Variants in GALNT13 observed in about 807,000 individuals in gnomAD.
GALNT13 encodes UDP-GalNAc:polypeptide N-acetylgalactosaminyltransferase 13.
A neutral mutation model predicts 64.2 loss-of-function variants in GALNT13; 28 were observed. That is an observed-to-expected ratio of 0.44 (90% CI 0.32 to 0.60). GALNT13 has a LOEUF of 0.60. Ranked by LOEUF, GALNT13 falls within the 20% of genes least tolerant of loss-of-function variation. The pLI is 0.05. For missense variants in GALNT13, 577 were observed against 669.8 expected (o/e 0.86, Z 1.53); for synonymous variants, 214 against 224.6 (o/e 0.95, Z 0.42).
At chr2:153,465,032 C>G in the GALNT13 span, among the ~76,000 whole-genome samples, 1 of 152,030 alleles carries the variant, frequency 6.6e-6, no homozygotes, top group African/African-American at 2.4e-5. Context: ...AATAAGTGGT[C>G]TCCTCCACAG....
chr2:154,264,109 G>T (rs2105909946), intron 8 of GALNT13, among the ~76,000 whole-genome samples: 1 of 152,296 alleles, frequency 6.6e-6, no homozygotes, highest in East Asian at 1.9e-4. Flanking sequence ...GAGCATTGAA[G>T]AGATATACAG....
At chr2:154,108,631 G>T (rs1161993281) in intron 3 of GALNT13, among the ~76,000 whole-genome samples, 1 of 151,766 alleles carries the variant, frequency 6.6e-6, no homozygotes, top group African/African-American at 2.4e-5. Flanking sequence ...CTGTGCTTTT[G>T]GGGTCAAATC....
the GALNT13 span, among the ~76,000 whole-genome samples, chr2:153,748,929 C>T: frequency 3.3e-5 from 5 of 152,000 alleles, no homozygotes; most frequent in African/African-American, 1.2e-4. Flanking sequence ...ATTTTCTCCC[C>T]AGGGTTTTCT....
the GALNT13 span, among the ~76,000 whole-genome samples, chr2:153,405,484 C>T: frequency 6.6e-6 from 1 of 152,184 alleles, no homozygotes; most frequent in Non-Finnish European, 1.5e-5. Flanking sequence ...CTGAGCATAG[C>T]AGAAGAAAGG....
In GALNT13 at chr2:154,098,741, C is replaced by T. The variant is rs573720299; in HGVS notation, c.143-41596C>T. ...ACTTTCATTTCCATCCATGTTGCTG[C>T]AAAGGACATGATTTTCTTTTTTATT... On this transcript the variant is annotated intron_variant, in intron 3 of 12. Coordinates refer to ENST00000392825, the MANE Select transcript of GALNT13 (RefSeq NM_052917.4). 4.0e-4 allele frequency among the ~76,000 whole-genome samples: 61 copies of T among 152,134 alleles called. 1 individual carries two copies. The highest frequency in any genetic ancestry group is 1.9e-3 in the South Asian group (9 of 4,816).
chr2:153,863,918 C>G, the GALNT13 span, among the ~76,000 whole-genome samples: 3 of 152,052 alleles, frequency 2.0e-5, no homozygotes, highest in Admixed American at 6.6e-5. Flanking sequence ...TACATTGATT[C>G]CTGATGGCAC....
chr2:153,359,272 T>A, the GALNT13 span, among the ~76,000 whole-genome samples: 1 of 152,190 alleles, frequency 6.6e-6, no homozygotes, highest in Non-Finnish European at 1.5e-5. Context: ...CCAATTGCTC[T>A]CCAGCGTTAT....
the GALNT13 span, among the ~76,000 whole-genome samples, chr2:153,434,768 A>C: frequency 6.6e-6 from 1 of 152,004 alleles, no homozygotes; most frequent in Non-Finnish European, 1.5e-5. Context: ...ATTGTCTCCC[A>C]TTTTGTAGGT....
chr2:154,045,461 C>T (rs1699229081), intron 3 of GALNT13, among the ~76,000 whole-genome samples: 1 of 152,160 alleles, frequency 6.6e-6, no homozygotes, highest in African/African-American at 2.4e-5. Context: ...CAGGTCTTAC[C>T]TTGTTTCCAG....
At chr2:153,646,643 C>T in the GALNT13 span, among the ~76,000 whole-genome samples, 4 of 151,930 alleles carry the variant, frequency 2.6e-5, no homozygotes, top group South Asian at 2.1e-4. Context: ...CCCCGGTGTG[C>T]GATGTTCCCC....
the GALNT13 span, among the ~76,000 whole-genome samples, chr2:153,860,043 T>C: frequency 6.6e-6 from 1 of 152,172 alleles, no homozygotes. Flanking sequence ...TCCTATATAA[T>C]CCACTTCTCA....
At chr2:153,388,799 A>G in the GALNT13 span, among the ~76,000 whole-genome samples, 1 of 152,044 alleles carries the variant, frequency 6.6e-6, no homozygotes, top group Non-Finnish European at 1.5e-5. Context: ...CCATGATACA[A>G]TTAAAACCCA....
the GALNT13 span, among the ~76,000 whole-genome samples, chr2:153,670,755 G>A: frequency 1.3e-5 from 2 of 152,130 alleles, no homozygotes; most frequent in African/African-American, 2.4e-5. Context: ...AAACTTCTCT[G>A]AGCTAAAGGA....
intron 11 of GALNT13, among the ~76,000 whole-genome samples, chr2:154,417,943 CT>C (rs1447718683): frequency 6.6e-6 from 1 of 151,974 alleles, no homozygotes; most frequent in Non-Finnish European, 1.5e-5. Context: ...AGAATTTTTT[CT>C]CTTGTTTTTA....
chr2:153,456,395 C>T, the GALNT13 span, among the ~76,000 whole-genome samples: 2 of 152,128 alleles, frequency 1.3e-5, no homozygotes, highest in Admixed American at 6.6e-5. Flanking sequence ...TTGATCTATC[C>T]TCCAAAGAAA....
the GALNT13 span, among the ~76,000 whole-genome samples, chr2:153,645,370 T>C: frequency 3.3e-5 from 5 of 152,156 alleles, no homozygotes; most frequent in African/African-American, 7.2e-5. Context: ...TAGAACATAG[T>C]TGATTTTTTT....
At chr2:154,124,939 T>G (rs1574548990) in intron 3 of GALNT13, among the ~76,000 whole-genome samples, 2 of 152,108 alleles carry the variant, frequency 1.3e-5, no homozygotes, top group East Asian at 3.9e-4. Context: ...TGGAGAGATT[T>G]TGAACATTTA....
At chr2:153,714,165 C>T in the GALNT13 span, among the ~76,000 whole-genome samples, 97 of 152,204 alleles carry the variant, frequency 6.4e-4, no homozygotes, top group African/African-American at 2.2e-3. Context: ...GAGATTTAGA[C>T]ATGTTTGTTG....
intron 3 of GALNT13, among the ~76,000 whole-genome samples, chr2:154,124,551 C>T (rs1682143939): frequency 6.6e-6 from 1 of 151,794 alleles, no homozygotes; most frequent in African/African-American, 2.4e-5. Flanking sequence ...ATGCCTAGAC[C>T]ACCTGTTTTC....
Sources: allele counts gnomAD v4.1 joint callset (sites outside exome capture counted in the v4.1 genomes callset), GRCh38; gene constraint gnomAD v4.1.1; transcripts MANE v1.5; gene names NCBI Gene and HGNC (gene_info 2026-07-23, HGNC 2026-07-21).